Variants in SPIRE1 observed in about 807,000 individuals in gnomAD.
The protein encoded by SPIRE1 is spire type actin nucleation factor 1.
SPIRE1 carries 40 observed loss-of-function variants against 94.1 expected under a neutral mutation model. The ratio of observed to expected loss-of-function variants is 0.43; its 90% confidence interval spans 0.33 to 0.55. The LOEUF is 0.55. Among genes scored for constraint, SPIRE1 ranks in the 20% least tolerant of loss-of-function variants. The pLI, the probability that SPIRE1 is intolerant of heterozygous loss-of-function variation, is 0.06. For missense variants in SPIRE1, 838 were observed against 975.2 expected, an observed-to-expected ratio of 0.86 and a Z score of 1.87; for synonymous variants, 376 against 371.7, an observed-to-expected ratio of 1.01 and a Z score of -0.13.
intron 2 of SPIRE1, among the ~76,000 whole-genome samples, chr18:12,570,950 ACAT>A (rs2035946956): frequency 6.6e-6 from 1 of 152,168 alleles, no homozygotes; most frequent in Non-Finnish European, 1.5e-5. Context: ...CAAGTCACAC[ACAT>A]CATAATAGTT....
chr18:12,657,836 C>A lies in SPIRE1; in HGVS notation c.31G>T (p.Gly11Trp). MAQAAGPAGG[G>W]EPRTEAVGGE... ...CCCACTGCCTCAGTCCGCGGCTCCCCGCCGCCCGCCGGGCCAGCCGCCTGA... is the reference window on the plus strand; with the variant it reads ...CCCACTGCCTCAGTCCGCGGCTCCCAGCCGCCCGCCGGGCCAGCCGCCTGA... Residue 11 changes from glycine (G) to tryptophan (W), a missense_variant, in exon 1 of 17, where the codon GGG becomes TGG. Physicochemically the swap from Gly to Trp is radical, Grantham distance 184 (BLOSUM62 -2). Coordinates refer to ENST00000409402, the MANE Select transcript of SPIRE1 (RefSeq NM_001128626.2). 1 of 1,139,796 alleles carries A rather than the reference C, an allele frequency of 8.8e-7. No individual in the cohort carries two copies. Among genetic ancestry groups the A allele is most frequent in the African/African-American group, 1.6e-5 (1 of 60,682 alleles). 70.6% of individuals were successfully genotyped at this position (1,139,796 alleles called of 1,614,324 possible).
At chr18:12,507,540 A>C (rs568230315) in intron 5 of SPIRE1, among the ~76,000 whole-genome samples, 2 of 151,974 alleles carry the variant, frequency 1.3e-5, no homozygotes, top group South Asian at 2.1e-4. Context: ...CTCTACTAAA[A>C]ATTCAAAAAT....
rs555584053 is a variant in SPIRE1 at position 12,495,980 on chromosome 18, T to C, written c.1059+36A>G. 13 of 1,462,762 alleles carry C rather than the reference T, an allele frequency of 8.9e-6. No homozygotes were observed. In the South Asian group the frequency reaches 1.4e-4, roughly 15 times the overall value. The allele number at this position is 1,462,762 out of a possible 1,614,324, so 90.6% of individuals were successfully genotyped here. A position where few individuals can be genotyped will look rare whatever the true frequency, so the allele number is the denominator to read the frequency against. ...CCTAGAGTAGAATAATTCATTATGATATCTCCAATCTAGAGAACTATGTCG... is the reference window on the plus strand; with the variant it reads ...CCTAGAGTAGAATAATTCATTATGACATCTCCAATCTAGAGAACTATGTCG... On this transcript the variant is annotated intron_variant, in intron 7 of 16. Transcript: ENST00000409402.
In SPIRE1 at chr18:12,658,020, C is replaced by G. The variant is rs1420344726; in HGVS notation, c.-154G>C. 2.0e-6 allele frequency: 2 copies of G among 992,976 alleles called. No homozygotes were observed. The highest frequency in any genetic ancestry group is 2.2e-4 in the East Asian group (2 of 9,078). The allele number at this position is 992,976 out of a possible 1,614,324, so 61.5% of individuals were successfully genotyped here. On this transcript the variant is annotated 5_prime_UTR_variant, in exon 1 of 17. Coordinates refer to ENST00000409402, the MANE Select transcript of SPIRE1 (RefSeq NM_001128626.2). ...CCGCCGCCGGGACCAGGCGAGTGCC[C>G]GGGAGGCGTGGGCAAGAGGAGGGCG...
chr18:12,478,356 G>A (rs917338633), intron 10 of SPIRE1, among the ~76,000 whole-genome samples: 11 of 150,492 alleles, frequency 7.3e-5, no homozygotes, highest in African/African-American at 2.4e-4. Context: ...GTGTAGCTAG[G>A]GGAGGTGTGT....
intron 8 of SPIRE1, among the ~76,000 whole-genome samples, chr18:12,492,336 T>C (rs2033264603): frequency 1.3e-5 from 2 of 152,226 alleles, no homozygotes; most frequent in South Asian, 2.1e-4. Context: ...CTGGATTCTT[T>C]GGGCATTTTT....
At chr18:12,477,518 T>A (rs993464027) in intron 10 of SPIRE1, among the ~76,000 whole-genome samples, 1 of 152,190 alleles carries the variant, frequency 6.6e-6, no homozygotes, top group East Asian at 1.9e-4. Flanking sequence ...GTCTACTGAG[T>A]GTTAGAAACT....
intron 2 of SPIRE1, among the ~76,000 whole-genome samples, chr18:12,586,591 T>C (rs917911921): frequency 6.6e-6 from 1 of 152,210 alleles, no homozygotes; most frequent in African/African-American, 2.4e-5. Flanking sequence ...AAACTAACAG[T>C]ATGCAAATTA....
At chr18:12,488,203 A>C (rs542380958) in intron 8 of SPIRE1, among the ~76,000 whole-genome samples, 1 of 152,302 alleles carries the variant, frequency 6.6e-6, no homozygotes, top group African/African-American at 2.4e-5. Flanking sequence ...AATCCTCTTC[A>C]TATAAAGAGG....
At chr18:12,470,661 G>A (rs112237764) in intron 10 of SPIRE1, among the ~76,000 whole-genome samples, 2,387 of 152,278 alleles carry the variant, frequency 0.016, 66 homozygotes, top group African/African-American at 0.054. Context: ...GCATGTGCAT[G>A]TACAGACTCC....
intron 2 of SPIRE1, among the ~76,000 whole-genome samples, chr18:12,607,228 T>C (rs1377060224): frequency 3.9e-5 from 6 of 152,242 alleles, no homozygotes; most frequent in Non-Finnish European, 8.8e-5. Flanking sequence ...CAGTTCGTTT[T>C]TTTAGAAAGA....
chr18:12,635,350 T>G (rs973505397), intron 1 of SPIRE1, among the ~76,000 whole-genome samples: 5 of 152,130 alleles, frequency 3.3e-5, no homozygotes, highest in Non-Finnish European at 7.4e-5. Context: ...AAAACATATG[T>G]ACATATTTAA....
chr18:12,521,424 C>A (rs9958290), intron 4 of SPIRE1, among the ~76,000 whole-genome samples: 2 of 151,730 alleles, frequency 1.3e-5, no homozygotes, highest in East Asian at 3.9e-4. Flanking sequence ...ACCTCTGCCT[C>A]CCAGGTTCAA....
At chr18:12,556,877 C>G (rs1031801689) in intron 2 of SPIRE1, among the ~76,000 whole-genome samples, 32 of 152,166 alleles carry the variant, frequency 2.1e-4, no homozygotes, top group Admixed American at 2.0e-4. Context: ...GTTGCCACTG[C>G]TGGCTTGGGC....
At chr18:12,642,760 G>A (rs1598575789) in intron 1 of SPIRE1, among the ~76,000 whole-genome samples, 1 of 152,140 alleles carries the variant, frequency 6.6e-6, no homozygotes. Context: ...ACCAGGGCCT[G>A]TCAGGGATGG....
At chr18:12,490,512 T>G (rs765000091) in intron 8 of SPIRE1, among the ~76,000 whole-genome samples, 7 of 152,136 alleles carry the variant, frequency 4.6e-5, no homozygotes, top group Non-Finnish European at 1.0e-4. Context: ...GCTAAAATCC[T>G]TAATGAATAT....
At chr18:12,640,710 G>A (rs1300582945) in intron 1 of SPIRE1, among the ~76,000 whole-genome samples, 1 of 152,206 alleles carries the variant, frequency 6.6e-6, no homozygotes, top group East Asian at 1.9e-4. Flanking sequence ...ACCAACTGCA[G>A]GGCGGGAAGA....
Position 12,496,055 on chromosome 18 carries a change from G to A in SPIRE1, c.1020C>T (p.Ile340=), listed in dbSNP as rs2033446953. Residue 340 remains isoleucine (I), a synonymous_variant, in exon 7 of 17, where the codon ATC becomes ATT. Coordinates refer to ENST00000409402, the MANE Select transcript of SPIRE1 (RefSeq NM_001128626.2). ...GTCTGGATCTGATGAAGTCGAGGAT[G>A]ATTTCATGAGCACTCTTTTTTAACC... ...PPRLKKSAHE[I]ILDFIRSRPP... 1.9e-6 allele frequency: 3 copies of A among 1,613,810 alleles called. No individual in the cohort carries two copies. The highest frequency in any genetic ancestry group is 1.6e-4 in the Middle Eastern group (1 of 6,062).
At chr18:12,450,340 C>CA in intron 16 of SPIRE1, 1 of 293,142 alleles carries the variant, frequency 3.4e-6, no homozygotes, top group Non-Finnish European at 6.2e-6. Flanking sequence ...GCCAGGGTGA[C>CA]AAAAGCGAAA....
Sources: allele counts gnomAD v4.1 joint callset (sites outside exome capture counted in the v4.1 genomes callset), GRCh38; gene constraint gnomAD v4.1.1; transcripts MANE v1.5; gene names NCBI Gene and HGNC (gene_info 2026-07-23, HGNC 2026-07-21).